The following TRPC5 variants were observed in gnomAD, a reference collection of about 807,000 sequenced individuals.
TRPC5 encodes transient receptor potential cation channel subfamily C member 5.
In TRPC5, 9 loss-of-function variants were observed where a neutral mutation model predicts 56.5. The ratio of observed to expected loss-of-function variants is 0.16; its 90% CI spans 0.10 to 0.28. The LOEUF (loss-of-function observed/expected upper bound fraction) is 0.28. TRPC5 is among the 10% of genes least tolerant of loss of function. The pLI, the probability that TRPC5 is intolerant of heterozygous loss-of-function variation, is 1.00. For missense variants in TRPC5, 469 were observed against 748.9 expected, an observed-to-expected ratio of 0.63 and a Z score of 4.36; for synonymous variants, 282 against 278.5, an observed-to-expected ratio of 1.01 and a Z score of -0.13.
At chrX:112,060,395 T>C (rs1056490839) in intron 1 of TRPC5, among the ~76,000 whole-genome samples, 1 of 112,096 alleles carries the variant, frequency 8.9e-6, no homozygotes, top group East Asian at 2.8e-4. Flanking sequence ...CAAAATAAAG[T>C]GAGGTTGTGA....
chrX:112,019,608 T>C (rs1366555771), intron 1 of TRPC5, among the ~76,000 whole-genome samples: 2 of 111,198 alleles, frequency 1.8e-5, no homozygotes, highest in Non-Finnish European at 3.8e-5. Flanking sequence ...GCTAATTTTT[T>C]GTATATTTAG....
At chrX:112,015,260 C>A (rs1929091712) in intron 1 of TRPC5, among the ~76,000 whole-genome samples, 1 of 111,343 alleles carries the variant, frequency 9.0e-6, no homozygotes, top group Admixed American at 9.6e-5. Flanking sequence ...AACACAGGTT[C>A]TCTAACTCTA....
intron 1 of TRPC5, among the ~76,000 whole-genome samples, chrX:112,048,399 CAAA>C (rs58537492): frequency 9.3e-5 from 2 of 21,481 alleles, no homozygotes; most frequent in East Asian, 2.1e-3. Context: ...GACTCCGTAT[CAAA>C]AAAAAAAAAA....
intron 1 of TRPC5, among the ~76,000 whole-genome samples, chrX:112,034,497 C>A (rs888052208): frequency 2.7e-5 from 3 of 110,202 alleles, no homozygotes; most frequent in Non-Finnish European, 5.7e-5. Flanking sequence ...TGTTCTGAAA[C>A]TTTGATGCAT....
chrX:111,946,837 A>C (rs761496151), intron 2 of TRPC5, among the ~76,000 whole-genome samples: 1 of 112,476 alleles, frequency 8.9e-6, no homozygotes, highest in Non-Finnish European at 1.9e-5. Flanking sequence ...GTAAGGCTAG[A>C]CAATAGTACA....
At chrX:111,862,743 C>G (rs991990238) in intron 3 of TRPC5, among the ~76,000 whole-genome samples, 1 of 111,953 alleles carries the variant, frequency 8.9e-6, no homozygotes, top group Non-Finnish European at 1.9e-5. Flanking sequence ...AGTCAATTAA[C>G]CATAAAGGTA....
intron 3 of TRPC5, among the ~76,000 whole-genome samples, chrX:111,908,087 A>G: frequency 8.9e-6 from 1 of 112,236 alleles, no homozygotes; most frequent in Middle Eastern, 4.6e-3. Flanking sequence ...CTTAAACCAG[A>G]CATGTGAATT....
intron 2 of TRPC5, among the ~76,000 whole-genome samples, chrX:111,939,780 TTC>T (rs747597373): frequency 5.4e-5 from 6 of 112,007 alleles, no homozygotes; most frequent in Middle Eastern, 4.6e-3. Flanking sequence ...TATTTGCGCC[TTC>T]TCTCTTTTTT....
chrX:112,023,214 G>A (rs968976818), intron 1 of TRPC5, among the ~76,000 whole-genome samples: 3 of 100,433 alleles, frequency 3.0e-5, no homozygotes, highest in Non-Finnish European at 5.9e-5. Flanking sequence ...GATTACAGGC[G>A]TGAGCCACTG....
chrX:111,944,303 T>TGTGTGTGAGAGAGA (rs1173179815), intron 2 of TRPC5, among the ~76,000 whole-genome samples: 1 of 61,390 alleles, frequency 1.6e-5, no homozygotes, highest in African/African-American at 1.1e-4. Context: ...TGTGTGTGTG[T>TGTGTGTGAGAGAGA]GAGAGAGAGA....
intron 1 of TRPC5, among the ~76,000 whole-genome samples, chrX:111,996,379 T>C (rs917382155): frequency 7.1e-5 from 8 of 111,961 alleles, no homozygotes; most frequent in African/African-American, 2.6e-4. Flanking sequence ...TCTTTTACCT[T>C]TGCTGAGGAG....
intron 1 of TRPC5, among the ~76,000 whole-genome samples, chrX:111,953,375 G>C (rs1321277901): frequency 8.9e-6 from 1 of 112,349 alleles, no homozygotes; most frequent in African/African-American, 3.2e-5. Context: ...TGTTTAAACT[G>C]TCTCTGGGAG....
chrX:111,810,203 G>A lies in TRPC5; in HGVS notation c.1896+24718C>T, dbSNP rs181924505. ...GTGGGGATTACAGGCATGAGCCACC[G>A]TGCCTGCCTCTTTTGCCATATTCTA... is the stretch of plus-strand genomic sequence containing the variant. On this transcript the variant is annotated intron_variant, in intron 7 of 10. Transcript: ENST00000262839. 9.9e-5 allele frequency among the ~76,000 whole-genome samples: 11 copies of A among 111,449 alleles called. No homozygotes were observed. In the East Asian group the frequency reaches 2.6e-3, roughly 26 times the overall value.
intron 3 of TRPC5, among the ~76,000 whole-genome samples, chrX:111,909,816 G>C (rs138480918): frequency 0.044 from 4,907 of 111,399 alleles, 89 homozygotes; most frequent in Middle Eastern, 0.11. Context: ...AGGACTAAAA[G>C]AAAGAGGAAA....
intron 6 of TRPC5, among the ~76,000 whole-genome samples, chrX:111,837,556 G>T (rs893599740): frequency 9.0e-6 from 1 of 111,712 alleles, no homozygotes; most frequent in African/African-American, 3.3e-5. Flanking sequence ...AGTGTTTGTT[G>T]ATTTCCTGAC....
At chrX:112,043,546 G>A (rs775503129) in intron 1 of TRPC5, among the ~76,000 whole-genome samples, 7 of 109,433 alleles carry the variant, frequency 6.4e-5, no homozygotes, top group Non-Finnish European at 1.1e-4. Context: ...AAGACCTAGC[G>A]TGAAAACTTA....
At chrX:111,893,402 G>A (rs1258581204) in intron 3 of TRPC5, among the ~76,000 whole-genome samples, 1 of 111,750 alleles carries the variant, frequency 8.9e-6, no homozygotes, top group African/African-American at 3.3e-5. Context: ...CCTGTGTAGG[G>A]TCCTACCAGG....
Position 111,778,606 on chromosome X carries a change from A to G in TRPC5, c.2232+379T>C, listed in dbSNP as rs184465266. ...CTTAAGACCTTAGATTTAATAACAG[A>G]TTTTTTGATCTTATATCTTTTAAGT... On this transcript the variant is annotated intron_variant, in intron 10 of 10. Transcript: ENST00000262839. Among the ~76,000 whole-genome samples the G allele has an allele frequency of 7.1e-5, 8 of 112,088 alleles. No individual in the cohort carries two copies. In the East Asian group the frequency reaches 2.3e-3, roughly 32 times the overall value.
intron 1 of TRPC5, among the ~76,000 whole-genome samples, chrX:111,975,964 G>C (rs759181585): frequency 3.6e-5 from 4 of 112,141 alleles, no homozygotes; most frequent in Non-Finnish European, 7.5e-5. Flanking sequence ...GTTACATGAT[G>C]AAGTAGAATT....
Sources: allele counts gnomAD v4.1 joint callset (sites outside exome capture counted in the v4.1 genomes callset), GRCh38; gene constraint gnomAD v4.1.1; transcripts MANE v1.5; gene names NCBI Gene and HGNC (gene_info 2026-07-23, HGNC 2026-07-21).